CSMD1: variants seen among roughly 807,000 people sequenced by gnomAD.
The protein encoded by CSMD1 is CUB and Sushi multiple domains 1.
In CSMD1, 213 loss-of-function variants were observed where a neutral mutation model predicts 417.5. The ratio of observed to expected loss-of-function variants is 0.51; its 90% CI spans 0.46 to 0.57. CSMD1 has a LOEUF of 0.57. CSMD1 is among the 20% of genes least tolerant of loss of function. CSMD1 has a pLI of 0.00. For missense variants in CSMD1, 6,923 were observed against 4,529.7 expected (o/e 1.53, Z -15.17); for synonymous variants, 2,862 against 1,736.8 (o/e 1.65, Z -16.11).
Position 3,654,728 on chromosome 8 carries a change from A to G in CSMD1, c.1010-37931T>C, listed in dbSNP as rs973513981. 2.6e-5 allele frequency among the ~76,000 whole-genome samples: 4 copies of G among 152,324 alleles called. No individual in the cohort carries two copies. The East Asian group carries it at 7.7e-4, about 29-fold the overall frequency. On this transcript the variant is annotated intron_variant, in intron 7 of 69. Transcript: ENST00000635120. ...ACAGGGACACATTGGGCATCTCTGC[A>G]GGTGATGAAGTGCTCCAGGGCTTGA...
intron 30 of CSMD1, among the ~76,000 whole-genome samples, chr8:3,214,265 T>C (rs565922105): frequency 5.3e-5 from 8 of 152,250 alleles, no homozygotes; most frequent in Admixed American, 3.9e-4. Context: ...AATGTAAAAC[T>C]GTACGAGCGA....
At chr8:3,449,410 C>G (rs1210508372) in intron 12 of CSMD1, among the ~76,000 whole-genome samples, 1 of 151,868 alleles carries the variant, frequency 6.6e-6, no homozygotes, top group South Asian at 2.1e-4. Flanking sequence ...AGAGGAAACC[C>G]CAGGCTCCCA....
intron 33 of CSMD1, among the ~76,000 whole-genome samples, chr8:3,192,947 A>T (rs1317499028): frequency 6.6e-6 from 1 of 152,260 alleles, no homozygotes; most frequent in Middle Eastern, 3.4e-3. Context: ...GAAAAAAAAA[A>T]AGATATCCCA....
intron 3 of CSMD1, among the ~76,000 whole-genome samples, chr8:4,294,328 G>C (rs536506866): frequency 6.6e-6 from 1 of 152,186 alleles, no homozygotes; most frequent in African/African-American, 2.4e-5. Flanking sequence ...GTGCACTGAC[G>C]GTTTTCAAAA....
chr8:4,107,648 GCT>G (rs1801636800), intron 3 of CSMD1, among the ~76,000 whole-genome samples: 1 of 152,142 alleles, frequency 6.6e-6, no homozygotes, highest in African/African-American at 2.4e-5. Flanking sequence ...ACCACCGAAA[GCT>G]CATTTGAAGT....
chr8:3,342,085 C>T (rs13268750), intron 23 of CSMD1, among the ~76,000 whole-genome samples: 55,789 of 151,996 alleles, frequency 0.37, 10,416 homozygotes, highest in Admixed American at 0.48. Context: ...TTATTGTGCA[C>T]AAATATTAAT....
At chr8:4,644,416 AT>A (rs56698348) in intron 1 of CSMD1, among the ~76,000 whole-genome samples, 105,366 of 151,382 alleles carry the variant, frequency 0.7, 36,859 homozygotes, top group South Asian at 0.82. Flanking sequence ...CCTTTGCCCT[AT>A]TTTTTTTTGA....
intron 4 of CSMD1, among the ~76,000 whole-genome samples, chr8:4,016,382 A>C (rs1366812549): frequency 2.0e-5 from 3 of 152,072 alleles, no homozygotes; most frequent in Admixed American, 1.3e-4. Flanking sequence ...TGGCTTCCCG[A>C]GATGATCGAG....
intron 5 of CSMD1, 108 bp downstream of exon 5, chr8:3,997,795 C>G: frequency 1.0e-6 from 1 of 967,720 alleles, no homozygotes; most frequent in African/African-American, 1.6e-5. Context: ...AAGGAACACA[C>G]ATGCTTGCCC....
In CSMD1 at chr8:4,060,526, G is replaced by A. The variant is rs999468178; in HGVS notation, c.416-28427C>T. Among the ~76,000 whole-genome samples the A allele has an allele frequency of 3.9e-5, 6 of 152,150 alleles. 1 individual carries two copies. Among genetic ancestry groups the A allele is most frequent in the East Asian group, 3.9e-4 (2 of 5,190 alleles). On this transcript the variant is annotated intron_variant, in intron 3 of 69. Coordinates refer to ENST00000635120, the MANE Select transcript of CSMD1 (RefSeq NM_033225.6). ...AGAATAGAAAAACAAAGGGGATGTC[G>A]GAGAAGGAGTGTGGCCTCTGCAATG...
At chr8:4,561,337 G>A (rs763793931) in intron 2 of CSMD1, among the ~76,000 whole-genome samples, 4 of 152,162 alleles carry the variant, frequency 2.6e-5, no homozygotes, top group Non-Finnish European at 4.4e-5. Flanking sequence ...TCATGCCACT[G>A]CACTCCAGCC....
intron 3 of CSMD1, among the ~76,000 whole-genome samples, chr8:4,178,884 C>T (rs1037073451): frequency 6.6e-6 from 1 of 152,082 alleles, no homozygotes; most frequent in African/African-American, 2.4e-5. Context: ...TGAGAAGGAC[C>T]TCTTCAAGGA....
At chr8:4,844,573 C>T (rs1801024443) in intron 1 of CSMD1, among the ~76,000 whole-genome samples, 1 of 152,168 alleles carries the variant, frequency 6.6e-6, no homozygotes, top group South Asian at 2.1e-4. Flanking sequence ...GGGTGCACAA[C>T]ATTAAATGGA....
At chr8:4,779,112 A>G (rs1264929026) in intron 1 of CSMD1, among the ~76,000 whole-genome samples, 1 of 152,168 alleles carries the variant, frequency 6.6e-6, no homozygotes, top group African/African-American at 2.4e-5. Flanking sequence ...AACTGCTTTT[A>G]TTGTTTAAAA....
At chr8:3,300,451 G>C (rs1804305143) in intron 25 of CSMD1, among the ~76,000 whole-genome samples, 1 of 152,036 alleles carries the variant, frequency 6.6e-6, no homozygotes, top group Non-Finnish European at 1.5e-5. Flanking sequence ...CACATAATGA[G>C]TGGACAAAAT....
intron 3 of CSMD1, among the ~76,000 whole-genome samples, chr8:4,177,442 G>A (rs989735205): frequency 3.3e-5 from 5 of 151,866 alleles, no homozygotes; most frequent in African/African-American, 7.3e-5. Context: ...TGTGTAGAGG[G>A]AAACTTATAG....
At chr8:3,974,164 T>A (rs1186832698) in intron 5 of CSMD1, among the ~76,000 whole-genome samples, 8 of 152,106 alleles carry the variant, frequency 5.3e-5, no homozygotes, top group Admixed American at 4.6e-4. Flanking sequence ...ACAGAGGCAC[T>A]CGCACACACC....
intron 18 of CSMD1, among the ~76,000 whole-genome samples, chr8:3,384,732 T>C (rs187053399): frequency 7.2e-5 from 9 of 124,508 alleles, no homozygotes; most frequent in South Asian, 4.4e-4. Context: ...TATTTATATA[T>C]ATTATATAAA....
At chr8:4,731,627 C>G (rs1002462631) in intron 1 of CSMD1, among the ~76,000 whole-genome samples, 2 of 152,130 alleles carry the variant, frequency 1.3e-5, no homozygotes, top group African/African-American at 2.4e-5. Flanking sequence ...TCCCTGCACT[C>G]CAGGAGAAAG....
Sources: allele counts gnomAD v4.1 joint callset (sites outside exome capture counted in the v4.1 genomes callset), GRCh38; gene constraint gnomAD v4.1.1; transcripts MANE v1.5; gene names NCBI Gene and HGNC (gene_info 2026-07-23, HGNC 2026-07-21).